The following SPAG16 variants were observed in gnomAD, a reference collection of about 807,000 sequenced individuals.
The protein encoded by SPAG16 is sperm-associated antigen 16 protein.
In SPAG16, 86 loss-of-function variants were observed where a neutral mutation model predicts 80.4. The observed-to-expected ratio is 1.07, with a 90% CI of 0.90 to 1.28. The LOEUF (loss-of-function observed/expected upper bound fraction) is 1.28, where lower values mean the gene tolerates loss of function less well. Ranked by LOEUF, SPAG16 falls within the 50% of genes most tolerant of loss-of-function variation. The probability of loss-of-function intolerance (pLI) is 0.00; values close to 1 mark genes in which losing one functional copy is unlikely to be tolerated. For missense variants in SPAG16, 870 were observed against 765.3 expected, an observed-to-expected ratio of 1.14 and a Z score of -1.61; for synonymous variants, 294 against 265.9, an observed-to-expected ratio of 1.11 and a Z score of -1.03.
At chr2:213,730,587 G>A (rs572372458) in intron 10 of SPAG16, among the ~76,000 whole-genome samples, 134 of 152,132 alleles carry the variant, frequency 8.8e-4, no homozygotes, top group African/African-American at 2.8e-3. Context: ...CTATAGATAA[G>A]GCATTATTTC....
intron 10 of SPAG16, among the ~76,000 whole-genome samples, chr2:213,498,060 T>G (rs554135349): frequency 6.6e-6 from 1 of 152,242 alleles, no homozygotes; most frequent in African/African-American, 2.4e-5. Flanking sequence ...AATATATCTC[T>G]TGTTCTCTTT....
At chr2:213,625,310 C>T (rs947288869) in intron 10 of SPAG16, among the ~76,000 whole-genome samples, 1 of 152,090 alleles carries the variant, frequency 6.6e-6, no homozygotes, top group South Asian at 2.1e-4. Flanking sequence ...GGGAAGTAAG[C>T]ACATCTTCAC....
intron 15 of SPAG16, among the ~76,000 whole-genome samples, chr2:214,257,242 T>C (rs13404035): frequency 0.62 from 94,698 of 151,676 alleles, 29,871 homozygotes; most frequent in South Asian, 0.71. Flanking sequence ...GCTCATACCC[T>C]GTGACTTTGG....
chr2:213,289,185 T>C (rs1377767523), intron 1 of SPAG16, among the ~76,000 whole-genome samples: 1 of 152,208 alleles, frequency 6.6e-6, no homozygotes, highest in Admixed American at 6.5e-5. Flanking sequence ...CTAAGGACTG[T>C]AATTGAAGTA....
intron 9 of SPAG16, among the ~76,000 whole-genome samples, chr2:213,392,949 G>T (rs1172930234): frequency 6.6e-6 from 1 of 151,986 alleles, no homozygotes; most frequent in East Asian, 1.9e-4. Flanking sequence ...ATAATATCAT[G>T]CCATGTTAAA....
At position 214,112,535 on chromosome 2, in the gene SPAG16, T is replaced by G. The variant is rs1026074841; in HGVS notation, c.1593+4274T>G. Among the ~76,000 whole-genome samples the G allele has an allele frequency of 2.6e-5, 4 of 152,224 alleles. No homozygotes were observed. In the East Asian group the frequency reaches 5.8e-4, roughly 22 times the overall value. ...ATATATTTAGGATAGTTAGCTCTTC[T>G]TGTTTAATTGATCCCTTTACCGTTA... is the stretch of plus-strand genomic sequence containing the variant. On this transcript the variant is annotated intron_variant, in intron 14 of 15. Coordinates refer to ENST00000331683, the MANE Select transcript of SPAG16 (RefSeq NM_024532.5).
chr2:213,725,016 C>T (rs1268723257), intron 10 of SPAG16, among the ~76,000 whole-genome samples: 2 of 151,806 alleles, frequency 1.3e-5, no homozygotes, highest in Admixed American at 6.6e-5. Context: ...ACGTCCAAAA[C>T]CAAATAAGAC....
At chr2:214,129,278 A>C (rs2054644927) in intron 14 of SPAG16, among the ~76,000 whole-genome samples, 1 of 152,078 alleles carries the variant, frequency 6.6e-6, no homozygotes, top group African/African-American at 2.4e-5. Context: ...GCTTTGTTTC[A>C]GTTCCCTGTC....
At chr2:213,901,806 C>G (rs557741861) in intron 11 of SPAG16, among the ~76,000 whole-genome samples, 2 of 152,132 alleles carry the variant, frequency 1.3e-5, no homozygotes, top group African/African-American at 2.4e-5. Flanking sequence ...TATAAGCAGA[C>G]TCAGTGATGT....
chr2:213,519,133 C>A (rs2075561939), intron 10 of SPAG16, among the ~76,000 whole-genome samples: 1 of 152,134 alleles, frequency 6.6e-6, no homozygotes, highest in African/African-American at 2.4e-5. Context: ...TGCAATATAC[C>A]CAAGTAACAA....
intron 15 of SPAG16, among the ~76,000 whole-genome samples, chr2:214,399,076 T>G (rs1293051246): frequency 6.6e-6 from 1 of 152,208 alleles, no homozygotes; most frequent in African/African-American, 2.4e-5. Flanking sequence ...CCATTAGGTA[T>G]TATGCCTGTG....
intron 8 of SPAG16, among the ~76,000 whole-genome samples, chr2:213,372,494 T>C (rs2066691882): frequency 6.6e-6 from 1 of 152,152 alleles, no homozygotes; most frequent in South Asian, 2.1e-4. Context: ...AATTAATTGC[T>C]GCTTTTTAAG....
intron 9 of SPAG16, 62 bp downstream of exon 9, chr2:213,375,181 C>T (rs1464845267): frequency 8.6e-7 from 1 of 1,159,740 alleles, no homozygotes. Context: ...TAGATCCATT[C>T]ACTCATATGG....
chr2:214,065,300 G>A (rs908596517), intron 13 of SPAG16, among the ~76,000 whole-genome samples: 2 of 151,766 alleles, frequency 1.3e-5, no homozygotes, highest in African/African-American at 4.8e-5. Context: ...AATTGCAAAG[G>A]GATTTTGACC....
At chr2:213,562,614 C>T (rs1431032322) in intron 10 of SPAG16, among the ~76,000 whole-genome samples, 1 of 151,610 alleles carries the variant, frequency 6.6e-6, no homozygotes, top group Non-Finnish European at 1.5e-5. Context: ...ATGGTGCTAT[C>T]TTCTCTCTGA....
intron 14 of SPAG16, among the ~76,000 whole-genome samples, chr2:214,128,976 T>G (rs1450215869): frequency 6.6e-6 from 1 of 151,776 alleles, no homozygotes; most frequent in African/African-American, 2.4e-5. Flanking sequence ...ATCTTGAAAT[T>G]TTTCATTCTG....
chr2:213,422,875 A>G (rs1266716027), intron 9 of SPAG16, among the ~76,000 whole-genome samples: 1 of 152,256 alleles, frequency 6.6e-6, no homozygotes, highest in African/African-American at 2.4e-5. Flanking sequence ...AGATACAGAT[A>G]TAACTCAACT....
At chr2:213,731,081 A>T (rs114421136) in intron 10 of SPAG16, among the ~76,000 whole-genome samples, 3,351 of 151,306 alleles carry the variant, frequency 0.022, 55 homozygotes, top group Non-Finnish European at 0.037. Flanking sequence ...TTTCCACTAG[A>T]GTCCTTAATA....
chr2:213,589,965 C>T (rs1175543822), intron 10 of SPAG16, among the ~76,000 whole-genome samples: 1 of 151,636 alleles, frequency 6.6e-6, no homozygotes, highest in African/African-American at 2.4e-5. Flanking sequence ...ACTCTGTGTG[C>T]TTTTCTGAGT....
Sources: allele counts gnomAD v4.1 joint callset (sites outside exome capture counted in the v4.1 genomes callset), GRCh38; gene constraint gnomAD v4.1.1; transcripts MANE v1.5; gene names NCBI Gene and HGNC (gene_info 2026-07-23, HGNC 2026-07-21).